The following ZNF669 variants were observed in gnomAD, a reference collection of about 807,000 sequenced individuals.
ZNF669 encodes the protein zinc finger protein 669.
ZNF669 carries 7 observed loss-of-function variants against 11.4 expected under a neutral mutation model. The observed-to-expected ratio is 0.62, with a 90% confidence interval of 0.35 to 1.16. ZNF669 has a LOEUF of 1.16. ZNF669 is among the 50% of genes most tolerant of loss of function. The probability of loss-of-function intolerance (pLI) is 0.02; values close to 1 mark genes in which losing one functional copy is unlikely to be tolerated. For synonymous variants in ZNF669, 153 were observed against 155.8 expected, an observed-to-expected ratio of 0.98 and a Z score of 0.13; for missense variants, 492 against 463.6, an observed-to-expected ratio of 1.06 and a Z score of -0.56.
At chr1:247,103,885 C>T in intron 1 of ZNF669, 25 of 1,521,904 alleles carry the variant, frequency 1.6e-5, no homozygotes, top group Non-Finnish European at 2.2e-5. Context: ...CCCCGCACAC[C>T]GAGACACCGA....
Position 247,100,368 on chromosome 1 carries a change from C to T in ZNF669, c.*6G>A, listed in dbSNP as rs778780238. The T allele has an allele frequency of 2.6e-6, 4 of 1,537,704 alleles. No homozygotes were observed. The highest frequency in any genetic ancestry group is 2.2e-5 in the East Asian group (1 of 44,516). On this transcript the variant is annotated 3_prime_UTR_variant, in exon 4 of 4. Transcript: ENST00000448299. ...TTTAATCCAGGCTGGTTATGAACTC[C>T]TGGGCTCAAGCAATCCACACGCCTT...
chr1:247,102,813 T>C (rs1671750393), intron 1 of ZNF669, among the ~76,000 whole-genome samples: 1 of 152,242 alleles, frequency 6.6e-6, no homozygotes. Flanking sequence ...TTAAATTTAA[T>C]TGAGTAGTAA....
Position 247,104,242 on chromosome 1 carries a change from C to A in ZNF669, c.-43G>T. 6.7e-7 allele frequency: 1 copy of A among 1,495,356 alleles called. No homozygotes were observed. The highest frequency in any genetic ancestry group is 1.4e-5 in the South Asian group (1 of 73,408). The allele number at this position is 1,495,356 out of a possible 1,614,324, so 92.6% of individuals were successfully genotyped here. A position where few individuals can be genotyped will look rare whatever the true frequency, so the allele number is the denominator to read the frequency against. ...GTCCTGGCGTCAGCTAGGGATGTCC[C>A]AATACTCGCAGGTCACAGGGTGGCA... On this transcript the variant is annotated 5_prime_UTR_variant, in exon 1 of 4. Coordinates refer to ENST00000448299, the MANE Select transcript of ZNF669 (RefSeq NM_001142572.2).
intron 1 of ZNF669, chr1:247,103,951 G>A (rs749428841): frequency 1.0e-5 from 16 of 1,602,452 alleles, no homozygotes; most frequent in Admixed American, 1.7e-5. Flanking sequence ...GGATAGGGGA[G>A]GCGAGGGGTT....
chr1:247,100,914 T>C lies in ZNF669; in HGVS notation c.597A>G (p.Lys199=). The part of the protein sequence containing the change: ...EKPYKCKQCG[K]AFTVSGSCLI... ...GACAAGAACCGGAAACAGTGAATGC[T>C]TTACCACATTGTTTACATTTATAGG... Residue 199 remains lysine, a synonymous_variant, in exon 4 of 4, where the codon AAA becomes AAG. Coordinates refer to ENST00000448299, the MANE Select transcript of ZNF669 (RefSeq NM_001142572.2). 6.2e-7 allele frequency: 1 copy of C among 1,614,084 alleles called. No individual in the cohort carries two copies. The highest frequency in any genetic ancestry group is 8.5e-7 in the Non-Finnish European group (1 of 1,180,032).
intron 1 of ZNF669, chr1:247,103,953 CGAGGG>C: frequency 6.2e-7 from 1 of 1,602,658 alleles, no homozygotes; most frequent in South Asian, 1.1e-5. Flanking sequence ...ATAGGGGAGG[CGAGGG>C]GTTCCCGACA....
Position 247,100,699 on chromosome 1 carries a change from G to GAAA in ZNF669, c.811_812insTTT (p.Thr271delinsIleSer). On this transcript the variant is annotated protein_altering_variant, in exon 4 of 4. Transcript: ENST00000448299. Reference sequence around the variant, plus strand: ...TTTACACTCATAGGGTCTCTCTCCAGTATGAATGCTTCCATGGTAACGAAG... The same window carrying GAAA: ...TTTACACTCATAGGGTCTCTCTCCAGAAATATGAATGCTTCCATGGTAACGAAG... 6.2e-7 allele frequency: 1 copy of GAAA among 1,614,204 alleles called. No individual in the cohort carries two copies. Among genetic ancestry groups the GAAA allele is most frequent in the Non-Finnish European group, 8.5e-7 (1 of 1,180,038 alleles).
At position 247,100,889 on chromosome 1, in the gene ZNF669, G is replaced by C. The variant is rs1038909581; in HGVS notation, c.622C>G (p.Leu208Val). The C allele has an allele frequency of 6.2e-7, 1 of 1,614,042 alleles. No homozygotes were observed. The highest frequency in any genetic ancestry group is 2.2e-5 in the East Asian group (1 of 44,870). ...CCAGTGTGAGTTCGTTCATGTATTAGACAAGAACCGGAAACAGTGAATGCT... is the reference window on the plus strand; with the variant it reads ...CCAGTGTGAGTTCGTTCATGTATTACACAAGAACCGGAAACAGTGAATGCT... ...GKAFTVSGSC[L>V]IHERTHTGEK... The change falls in exon 4 of 4, where the codon CTA (leucine) becomes GTA (valine). Residue 208 changes from leucine to valine, a missense_variant. Physicochemically the swap from Leu to Val is conservative, Grantham distance 32 (BLOSUM62 1). Coordinates refer to ENST00000448299, the MANE Select transcript of ZNF669 (RefSeq NM_001142572.2).
At chr1:247,101,354 G>A in intron 3 of ZNF669, 35 bp from the exon 4 acceptor site, 1 of 1,513,936 alleles carries the variant, frequency 6.6e-7, no homozygotes. Flanking sequence ...ATTATTGGTT[G>A]GTTTATTAAT....
intron 1 of ZNF669, among the ~76,000 whole-genome samples, chr1:247,103,679 A>G (rs1417378339): frequency 6.8e-6 from 1 of 147,350 alleles, no homozygotes; most frequent in Non-Finnish European, 1.5e-5. Flanking sequence ...TTGCTTCCTC[A>G]TTAACCTTAT....
chr1:247,101,382 T>TA, intron 3 of ZNF669, 63 bp from the exon 4 acceptor site: 2 of 1,496,202 alleles, frequency 1.3e-6, no homozygotes, highest in Non-Finnish European at 1.8e-6. Context: ...TACTTATTAA[T>TA]AGGTCTTGGA....
rs777723716 is a variant in ZNF669, at chr1:247,104,141, G to A, written c.3+56C>T. On this transcript the variant is annotated intron_variant, in intron 1 of 3. Coordinates refer to ENST00000448299, the MANE Select transcript of ZNF669 (RefSeq NM_001142572.2). ...GCGTGGAGGCCCGAGTCGCGCCACA[G>A]CAGGTTTCAACCAGCCCTCTTCTCC... 8 of 1,580,036 alleles carry A rather than the reference G, an allele frequency of 5.1e-6. No individual in the cohort carries two copies. The East Asian group carries it at 1.8e-4, about 36-fold the overall frequency.
At position 247,100,918 on chromosome 1, in the gene ZNF669, C is replaced by T. The variant is rs1238742344; in HGVS notation, c.593G>A (p.Gly198Asp). 6.8e-6 allele frequency: 11 copies of T among 1,613,856 alleles called. No individual in the cohort carries two copies. Among genetic ancestry groups the T allele is most frequent in the South Asian group, 1.1e-5 (1 of 91,062 alleles). ...GEKPYKCKQC[G>D]KAFTVSGSCL... is the part of the protein sequence containing the mutation. ...AGAACCGGAAACAGTGAATGCTTTACCACATTGTTTACATTTATAGGGTTT... is the reference window on the plus strand; with the variant it reads ...AGAACCGGAAACAGTGAATGCTTTATCACATTGTTTACATTTATAGGGTTT... Residue 198 changes from glycine to aspartate, a missense_variant, in exon 4 of 4, where the codon GGT becomes GAT. By Grantham distance (94) the Gly-to-Asp change is moderately conservative (BLOSUM62 -1). Transcript: ENST00000448299.
chr1:247,103,962 C>A, intron 1 of ZNF669: 1 of 1,603,884 alleles, frequency 6.2e-7, no homozygotes. Flanking sequence ...GCGAGGGGTT[C>A]CCGACAGGGC....
rs772473485 is a variant in ZNF669 at position 247,100,604 on chromosome 1, G to C, written c.907C>G (p.Pro303Ala). ...TGATCACATTGTTTACATTCATAGGGTTTCTCTCCGGTATGAGTACTTCTA... is the reference window on the plus strand; with the variant it reads ...TGATCACATTGTTTACATTCATAGGCTTTCTCTCCGGTATGAGTACTTCTA... Reference protein sequence around the residue: ...NHRSTHTGEKPYECKQCDQAF... With the variant: ...NHRSTHTGEKAYECKQCDQAF... Residue 303 changes from proline (P) to alanine (A), a missense_variant, in exon 4 of 4, where the codon CCC (proline) becomes GCC (alanine). Coordinates refer to ENST00000448299, the MANE Select transcript of ZNF669 (RefSeq NM_001142572.2). 6.2e-7 allele frequency: 1 copy of C among 1,614,172 alleles called. No homozygotes were observed. Among genetic ancestry groups the C allele is most frequent in the South Asian group, 1.1e-5 (1 of 91,084 alleles).
In ZNF669 at chr1:247,100,983, G is replaced by T; in HGVS notation, c.528C>A (p.Leu176=). 1 of 1,613,122 alleles carries T rather than the reference G, an allele frequency of 6.2e-7. No homozygotes were observed. The highest frequency in any genetic ancestry group is 8.5e-7 in the Non-Finnish European group (1 of 1,179,828). The change falls in exon 4 of 4, where the codon CTC becomes CTA. Residue 176 remains leucine (L), a synonymous_variant. Coordinates refer to ENST00000448299, the MANE Select transcript of ZNF669 (RefSeq NM_001142572.2). ...CTICGKAFYF[L]NSVERHQRTH... The stretch of plus-strand genomic sequence containing the variant: ...TTCTCTGATGTCTTTCAACTGAATT[G>T]AGAAAATAAAAAGCTTTCCCACATA...
rs181125997 is a variant in ZNF669, at chr1:247,100,104, C to T, written c.*270G>A. 3.0e-3 allele frequency: 965 copies of T among 317,942 alleles called. 2 individuals are homozygous for T. Among genetic ancestry groups the T allele is most frequent in the African/African-American group, 0.019 (893 of 46,988 alleles). 19.7% of individuals were successfully genotyped at this position (317,942 alleles called of 1,614,324 possible). Reference sequence around the variant, plus strand: ...GGTTCATGCCATTCTCCTGCCTCAGCCTCCCGAGTAACTGGGACCACAGGC... The same window carrying T: ...GGTTCATGCCATTCTCCTGCCTCAGTCTCCCGAGTAACTGGGACCACAGGC... On this transcript the variant is annotated 3_prime_UTR_variant, in exon 4 of 4. Coordinates refer to ENST00000448299, the MANE Select transcript of ZNF669 (RefSeq NM_001142572.2).
chr1:247,101,874 G>A (rs1671731928), intron 2 of ZNF669, 83 bp from the exon 3 acceptor site: 2 of 1,596,236 alleles, frequency 1.3e-6, no homozygotes, highest in Non-Finnish European at 8.6e-7. Flanking sequence ...TGTACACAGT[G>A]CCCATGCCTG....
Position 247,100,202 on chromosome 1 carries a change from T to G in ZNF669, c.*172A>C, listed in dbSNP as rs1379042322. ...GGTTTCACCGTGTTGGCCAGGATGG[T>G]CTCGATCTCCTGACCTCGTGATCCA... is the stretch of plus-strand genomic sequence containing the variant. On this transcript the variant is annotated 3_prime_UTR_variant, in exon 4 of 4. Coordinates refer to ENST00000448299, the MANE Select transcript of ZNF669 (RefSeq NM_001142572.2). The G allele has an allele frequency of 7.1e-6, 4 of 566,804 alleles. No homozygotes were observed. Among genetic ancestry groups the G allele is most frequent in the African/African-American group, 1.9e-5 (1 of 53,422 alleles). 35.1% of individuals were successfully genotyped at this position (566,804 alleles called of 1,614,324 possible).
Sources: allele counts gnomAD v4.1 joint callset (sites outside exome capture counted in the v4.1 genomes callset), GRCh38; gene constraint gnomAD v4.1.1; transcripts MANE v1.5; gene names NCBI Gene and HGNC (gene_info 2026-07-23, HGNC 2026-07-21).